The following NLN variants were observed in gnomAD, a reference collection of about 807,000 sequenced individuals.
NLN encodes the protein neurolysin.
NLN carries 64 observed loss-of-function variants against 79.9 expected under a neutral mutation model. The ratio of observed to expected loss-of-function variants is 0.80; its 90% CI spans 0.65 to 0.99. The LOEUF (loss-of-function observed/expected upper bound fraction) is 0.99, where lower values mean the gene tolerates loss of function less well. Among genes scored for constraint, NLN ranks in the 50% least tolerant of loss-of-function variants. NLN has a pLI of 0.00. For missense variants in NLN, 835 were observed against 858.7 expected (o/e 0.97, Z 0.34); for synonymous variants, 267 against 296.6 (o/e 0.90, Z 1.02).
intron 9 of NLN, among the ~76,000 whole-genome samples, chr5:65,803,806 G>A (rs1760347348): frequency 6.6e-6 from 1 of 152,146 alleles, no homozygotes; most frequent in African/African-American, 2.4e-5. Flanking sequence ...CAACTTAGAA[G>A]GGGGAAGGAC....
At chr5:65,773,127 A>AT (rs757202934) in intron 3 of NLN, among the ~76,000 whole-genome samples, 58,337 of 96,610 alleles carry the variant, frequency 0.6, 17,505 homozygotes, top group Non-Finnish European at 0.64. Context: ...CCTGAATTCT[A>AT]TTTTTTTTTT....
rs10055106 is a variant in NLN at position 65,785,698 on chromosome 5, T to C, written c.823-77T>C. ...ATAATTTTACAAACCTAAAAATACA[T>C]ACAGTAATTCTTCCTTTTAGTGCTT... is the stretch of plus-strand genomic sequence containing the variant. On this transcript the variant is annotated intron_variant, in intron 6 of 12. Transcript: ENST00000380985. 4,045 of 1,145,822 alleles carry C rather than the reference T, an allele frequency of 3.5e-3. 10 individuals are homozygous for C. Among genetic ancestry groups the C allele is most frequent in the Non-Finnish European group, 4.3e-3 (3,346 of 785,054 alleles). The allele number at this position is 1,145,822 out of a possible 1,614,324, so 71.0% of individuals were successfully genotyped here. A position where few individuals can be genotyped will look rare whatever the true frequency, so the allele number is the denominator to read the frequency against.
chr5:65,769,675 C>T (rs1253321023), intron 3 of NLN, among the ~76,000 whole-genome samples: 1 of 152,208 alleles, frequency 6.6e-6, no homozygotes, highest in Non-Finnish European at 1.5e-5. Flanking sequence ...GACTGCCTTA[C>T]ATTTGTGTAG....
At chr5:65,738,986 AT>A (rs1561180342) in intron 1 of NLN, among the ~76,000 whole-genome samples, 260 of 6,848 alleles carry the variant, frequency 0.038, 1 homozygote, top group African/African-American at 0.051. Context: ...TATATTATAT[AT>A]TTATATATAT....
At chr5:65,788,772 G>A (rs1421815941) in intron 8 of NLN, among the ~76,000 whole-genome samples, 1 of 152,182 alleles carries the variant, frequency 6.6e-6, no homozygotes, top group Non-Finnish European at 1.5e-5. Flanking sequence ...AGGACTTCAA[G>A]ACCAGACTGG....
chr5:65,801,507 G>A lies in NLN; in HGVS notation c.1528-8008G>A, dbSNP rs1397098921. 3.3e-5 allele frequency among the ~76,000 whole-genome samples: 5 copies of A among 152,192 alleles called. No individual in the cohort carries two copies. The East Asian group carries it at 5.8e-4, about 18-fold the overall frequency. The stretch of plus-strand genomic sequence containing the variant: ...GCTGCAAATTGAGCTTTCAAATTTT[G>A]TAGGTTCTTTGTCCTCCTTTTTTGA... On this transcript the variant is annotated intron_variant, in intron 9 of 12. Transcript: ENST00000380985.
At chr5:65,780,863 G>A (rs1237037142) in intron 5 of NLN, among the ~76,000 whole-genome samples, 1 of 151,992 alleles carries the variant, frequency 6.6e-6, no homozygotes, top group Non-Finnish European at 1.5e-5. Context: ...TAGTAGAGAC[G>A]GGGTTTCACC....
chr5:65,763,830 A>G (rs1358116575), intron 3 of NLN, among the ~76,000 whole-genome samples: 1 of 152,170 alleles, frequency 6.6e-6, no homozygotes, highest in Admixed American at 6.5e-5. Flanking sequence ...AACTCATTAT[A>G]CAATGTGTCA....
chr5:65,806,659 A>G (rs1378226462), intron 9 of NLN, among the ~76,000 whole-genome samples: 1 of 152,220 alleles, frequency 6.6e-6, no homozygotes, highest in Non-Finnish European at 1.5e-5. Flanking sequence ...CTCCTGGTGA[A>G]GATGCTATGA....
chr5:65,781,113 CA>C (rs1486090102), intron 5 of NLN, 147 bp from the exon 6 acceptor site: 1 of 597,994 alleles, frequency 1.7e-6, no homozygotes, highest in African/African-American at 1.9e-5. Flanking sequence ...CCAGCAACAT[CA>C]AAATGATATT....
chr5:65,747,388 CA>C (rs1759004555), intron 1 of NLN, among the ~76,000 whole-genome samples: 1 of 152,132 alleles, frequency 6.6e-6, no homozygotes, highest in Non-Finnish European at 1.5e-5. Context: ...TATCAAAACC[CA>C]TAGCTCTGTT....
At chr5:65,772,103 A>G (rs1759582420) in intron 3 of NLN, among the ~76,000 whole-genome samples, 2 of 152,160 alleles carry the variant, frequency 1.3e-5, no homozygotes, top group South Asian at 4.1e-4. Context: ...TTGGGGTCTT[A>G]AAAGCCTAGG....
At chr5:65,776,341 G>A (rs1009741084) in intron 3 of NLN, among the ~76,000 whole-genome samples, 6 of 152,198 alleles carry the variant, frequency 3.9e-5, no homozygotes, top group African/African-American at 1.4e-4. Flanking sequence ...TCTGTTACCT[G>A]CTGCAACAAA....
intron 2 of NLN, among the ~76,000 whole-genome samples, chr5:65,760,590 G>A (rs1179104263): frequency 6.6e-6 from 1 of 152,180 alleles, no homozygotes; most frequent in Non-Finnish European, 1.5e-5. Flanking sequence ...CTAGCTCACT[G>A]CAGCCTCGAA....
chr5:65,742,642 A>G (rs1003056464), intron 1 of NLN, among the ~76,000 whole-genome samples: 1 of 152,172 alleles, frequency 6.6e-6, no homozygotes, highest in Non-Finnish European at 1.5e-5. Flanking sequence ...TTGAAAGCCC[A>G]CTGTTTTCCT....
chr5:65,817,331 T>G lies in NLN; in HGVS notation c.1980+4940T>G, dbSNP rs543355795. On this transcript the variant is annotated intron_variant, in intron 12 of 12. Transcript: ENST00000380985. ...GAAGTTGTCTCATTGTCAGACATAC[T>G]TTTCACTTTTCTAACTGTTCTGCTA... Among the ~76,000 whole-genome samples, 23 of 152,344 alleles carry G rather than the reference T, an allele frequency of 1.5e-4. No homozygotes were observed. In the South Asian group the frequency reaches 3.5e-3, roughly 23 times the overall value.
At chr5:65,725,248 T>G (rs1316673653) in intron 1 of NLN, among the ~76,000 whole-genome samples, 2 of 152,228 alleles carry the variant, frequency 1.3e-5, no homozygotes, top group African/African-American at 2.4e-5. Context: ...CACAGTCATA[T>G]GAAGTTGGAA....
Position 65,827,335 on chromosome 5 carries a change from C to T in NLN, c.*4420C>T, listed in dbSNP as rs1760938996. On this transcript the variant is annotated 3_prime_UTR_variant, in exon 13 of 13. Transcript: ENST00000380985. ...GAAGGGGTGAACAGGAAATAGACTC[C>T]CTTATTCTGCTCACATGAGCTGGAA... The T allele has an allele frequency of 6.6e-6, 1 of 152,038 alleles. No homozygotes were observed. The highest frequency in any genetic ancestry group is 2.4e-5 in the African/African-American group (1 of 41,372). 9.4% of individuals were successfully genotyped at this position (152,038 alleles called of 1,614,324 possible). A position where few individuals can be genotyped will look rare whatever the true frequency, so the allele number is the denominator to read the frequency against.
chr5:65,734,863 A>G (rs1050516241), intron 1 of NLN, among the ~76,000 whole-genome samples: 1 of 152,216 alleles, frequency 6.6e-6, no homozygotes, highest in African/African-American at 2.4e-5. Context: ...TTATTCTCAT[A>G]GGAATTCTTT....
Sources: gnomAD v4.1 joint callset for allele counts (sites outside exome capture counted in the v4.1 genomes callset) on GRCh38, gnomAD v4.1.1 for gene constraint, MANE v1.5 for transcripts, NCBI Gene and HGNC (gene_info 2026-07-23, HGNC 2026-07-21) for gene names.